Variants in CLBA1 observed in about 807,000 individuals in gnomAD.
The protein encoded by CLBA1 is uncharacterized protein CLBA1.
Under a neutral mutation model 28.8 loss-of-function variants are expected in CLBA1, and 30 were observed. The observed-to-expected ratio is 1.04, with a 90% CI of 0.78 to 1.41. The LOEUF (loss-of-function observed/expected upper bound fraction) is 1.41, where lower values mean the gene tolerates loss of function less well. Among genes scored for constraint, CLBA1 ranks in the 40% most tolerant of loss-of-function variants. CLBA1 has a pLI of 0.00. For synonymous variants in CLBA1, 160 were observed against 152.8 expected (o/e 1.05, Z -0.35); for missense variants, 451 against 412.3 (o/e 1.09, Z -0.81).
downstream of CLBA1, among the ~76,000 whole-genome samples, chr14:104,998,686 C>A (rs1290257756): frequency 6.6e-6 from 1 of 152,228 alleles, no homozygotes; most frequent in East Asian, 1.9e-4. Context: ...TGGCCAAGGC[C>A]CCCTGCCCTC....
In CLBA1 at chr14:104,986,229, A is replaced by G. The variant is rs1899850568; in HGVS notation, c.-203A>G. 4.9e-6 allele frequency: 3 copies of G among 612,890 alleles called. No individual in the cohort carries two copies. The East Asian group carries it at 8.3e-5, about 17-fold the overall frequency. 38.0% of individuals were successfully genotyped at this position (612,890 alleles called of 1,614,324 possible). On this transcript the variant is annotated 5_prime_UTR_variant, in exon 1 of 5. Coordinates refer to ENST00000547315, the MANE Select transcript of CLBA1 (RefSeq NM_174891.4). ...GCCAGGACTCCCGGGCGACCGGGCC[A>G]TTCCTGTGGTTTGTGTCAGTTCCAC...
chr14:104,989,117 G>A (rs2140895235), intron 2 of CLBA1, 29 bp downstream of exon 2: 1 of 1,595,316 alleles, frequency 6.3e-7, no homozygotes, highest in African/African-American at 1.3e-5. Flanking sequence ...ATTTCTTACA[G>A]CAACTGCTTT....
chr14:104,994,012 G>A, intron 4 of CLBA1: 1 of 985,292 alleles, frequency 1.0e-6, no homozygotes, highest in Non-Finnish European at 1.2e-6. Context: ...AGCTGACATG[G>A]GGTGGGTTCC....
rs1013838597 is a variant in CLBA1 at position 104,993,586 on chromosome 14, C to T, written c.816+522C>T. On this transcript the variant is annotated intron_variant, in intron 4 of 4. Transcript: ENST00000547315. ...CACATCATCACAGCCGGGCTCAAGG[C>T]AGAAGAGGAGATGGGCAGAGAAGGG... 2.4e-5 allele frequency: 24 copies of T among 985,324 alleles called. No homozygotes were observed. The East Asian group carries it at 4.5e-4, about 19-fold the overall frequency. The allele number at this position is 985,324 out of a possible 1,614,324, so 61.0% of individuals were successfully genotyped here.
chr14:104,988,429 CG>C (rs1399885829), intron 1 of CLBA1, among the ~76,000 whole-genome samples: 1 of 151,714 alleles, frequency 6.6e-6, no homozygotes, highest in Non-Finnish European at 1.5e-5. Flanking sequence ...GCCCCCCACC[CG>C]CCGGATTCAA....
rs1239915886 is a variant in CLBA1 at position 104,991,525 on chromosome 14, A to C, written c.604A>C (p.Ser202Arg). ...CAGAAAACTCTGGAGAGCCCTTCAGAGCATACACACCACGTCTACTTCTCA... is the reference window on the plus strand; with the variant it reads ...CAGAAAACTCTGGAGAGCCCTTCAGCGCATACACACCACGTCTACTTCTCA... ...ESRKLWRALQ[S>R]IHTTSTSQRL... Residue 202 changes from serine (S) to arginine (R), a missense_variant, in exon 3 of 5, where the codon AGC becomes CGC. By Grantham distance (110) the Ser-to-Arg change is moderately radical (BLOSUM62 -1). Coordinates refer to ENST00000547315, the MANE Select transcript of CLBA1 (RefSeq NM_174891.4). 1 of 1,614,070 alleles carries C rather than the reference A, an allele frequency of 6.2e-7. No homozygotes were observed. Among genetic ancestry groups the C allele is most frequent in the Admixed American group, 1.7e-5 (1 of 60,026 alleles).
At chr14:104,999,183 C>G, downstream of CLBA1, 1 of 984,122 alleles carries the variant, frequency 1.0e-6, no homozygotes, top group African/African-American at 1.7e-5. Flanking sequence ...AAATAAACTT[C>G]TTGAATGTGT....
chr14:104,993,014 A>C lies in CLBA1; in HGVS notation c.766A>C (p.Thr256Pro). 6.2e-7 allele frequency: 1 copy of C among 1,614,136 alleles called. No individual in the cohort carries two copies. Among genetic ancestry groups the C allele is most frequent in the South Asian group, 1.1e-5 (1 of 91,086 alleles). Residue 256 changes from threonine to proline, a missense_variant, in exon 4 of 5, where the codon ACT (threonine) becomes CCT (proline). Physicochemically the swap from Thr to Pro is conservative, Grantham distance 38. Coordinates refer to ENST00000547315, the MANE Select transcript of CLBA1 (RefSeq NM_174891.4). ...CCTCAAAGAGCCTGAAGGACTCCTC[A>C]CTGTCAGCAGCTTCTGTCTCCAGCA... is the stretch of plus-strand genomic sequence containing the variant. ...CDLKEPEGLL[T>P]VSSFCLQHCK...
chr14:104,999,195 A>C, downstream of CLBA1: 1 of 985,026 alleles, frequency 1.0e-6, no homozygotes, highest in Non-Finnish European at 1.2e-6. Flanking sequence ...TGAATGTGTA[A>C]ATCTGTCCTG....
At chr14:104,991,921 C>CGCCGCCACGCACAT (rs1205242405) in intron 3 of CLBA1, among the ~76,000 whole-genome samples, 14 of 151,862 alleles carry the variant, frequency 9.2e-5, no homozygotes, top group African/African-American at 1.5e-4. Context: ...ATGCCACTGC[C>CGCCGCCACGCACAT]GCCGCCACGC....
intron 1 of CLBA1, among the ~76,000 whole-genome samples, chr14:104,988,594 C>T (rs1899933393): frequency 6.6e-6 from 1 of 152,208 alleles, no homozygotes; most frequent in African/African-American, 2.4e-5. Flanking sequence ...CCACCTGGGG[C>T]TCCCAAAGTG....
At chr14:104,987,637 T>TTTTTTTG (rs1327414333) in intron 1 of CLBA1, among the ~76,000 whole-genome samples, 1 of 120,424 alleles carries the variant, frequency 8.3e-6, no homozygotes, top group Non-Finnish European at 1.7e-5. Context: ...TTTTTTTTTT[T>TTTTTTTG]GAGACAGCCT....
rs1423714018 is a variant in CLBA1, at chr14:104,992,848, T to C, written c.700-100T>C. 3 of 980,686 alleles carry C rather than the reference T, an allele frequency of 3.1e-6. No homozygotes were observed. The African/African-American group carries it at 4.8e-5, about 16-fold the overall frequency. The allele number at this position is 980,686 out of a possible 1,614,324, so 60.7% of individuals were successfully genotyped here. A position where few individuals can be genotyped will look rare whatever the true frequency, so the allele number is the denominator to read the frequency against. On this transcript the variant is annotated intron_variant, in intron 3 of 4. Coordinates refer to ENST00000547315, the MANE Select transcript of CLBA1 (RefSeq NM_174891.4). ...CCTTGAGAGGGGCCTGAGAGAACTT[T>C]GCAGTTTTAGCATGAAATTAGTAGA...
At position 104,991,626 on chromosome 14, in the gene CLBA1, C is replaced by T. The variant is rs758898935; in HGVS notation, c.699+6C>T. 2.5e-6 allele frequency: 4 copies of T among 1,604,776 alleles called. No homozygotes were observed. The highest frequency in any genetic ancestry group is 1.3e-5 in the African/African-American group (1 of 74,400). On this transcript the variant is annotated splice_donor_region_variant and intron_variant, in intron 3 of 4. Coordinates refer to ENST00000547315, the MANE Select transcript of CLBA1 (RefSeq NM_174891.4). Reference sequence around the variant, plus strand: ...GAATAGATGCTGCGCAGAAGGTAGGCGGTTTGGGTTGACACAGGGCTCCTG... The same window carrying T: ...GAATAGATGCTGCGCAGAAGGTAGGTGGTTTGGGTTGACACAGGGCTCCTG...
At position 104,989,079 on chromosome 14, in the gene CLBA1, A is replaced by C. The variant is rs747738995; in HGVS notation, c.560A>C (p.His187Pro). ...GAAAAACCTGGCGTTGAACGTGTAC[A>C]TAAATTGTGGTAATGAACTGAAGAA... ...SEEKPGVERV[H>P]KLCNESRKLW... Residue 187 changes from histidine to proline, a missense_variant, in exon 2 of 5, where the codon CAT (histidine) becomes CCT (proline). His to Pro is a moderately conservative substitution (Grantham distance 77, BLOSUM62 -2). Transcript: ENST00000547315. 7.5e-6 allele frequency: 12 copies of C among 1,606,996 alleles called. No individual in the cohort carries two copies. Among genetic ancestry groups the C allele is most frequent in the Non-Finnish European group, 1.0e-5 (12 of 1,177,838 alleles).
intron 1 of CLBA1, among the ~76,000 whole-genome samples, 195 bp downstream of exon 1, chr14:104,987,049 A>G (rs886975988): frequency 6.6e-6 from 1 of 152,232 alleles, no homozygotes; most frequent in Admixed American, 6.5e-5. Flanking sequence ...ATGAGTTGGC[A>G]GAGGAGGCTG....
At chr14:104,995,786 G>A (rs970376800), downstream of CLBA1, among the ~76,000 whole-genome samples, 7 of 152,262 alleles carry the variant, frequency 4.6e-5, no homozygotes, top group African/African-American at 1.2e-4. Context: ...CATGTTGCAC[G>A]TGGCTCTAGG....
chr14:104,993,163 T>G, intron 4 of CLBA1, 99 bp downstream of exon 4: 1 of 1,535,710 alleles, frequency 6.5e-7, no homozygotes, highest in Non-Finnish European at 8.7e-7. Flanking sequence ...TTGCTTGTTT[T>G]CTTCCTTTAA....
chr14:104,994,516 G>C (rs890427985), intron 4 of CLBA1, 82 bp from the exon 5 acceptor site: 27 of 1,497,802 alleles, frequency 1.8e-5, no homozygotes, highest in Non-Finnish European at 8.8e-7. Flanking sequence ...CGAGAGGCAG[G>C]GGGCGGCCAG....
Sources: allele counts gnomAD v4.1 joint callset (sites outside exome capture counted in the v4.1 genomes callset), GRCh38; gene constraint gnomAD v4.1.1; transcripts MANE v1.5; gene names NCBI Gene and HGNC (gene_info 2026-07-23, HGNC 2026-07-21).